Variants in CNNM2 observed in about 807,000 individuals in gnomAD.
CNNM2 encodes the protein cyclin and CBS domain divalent metal cation transport mediator 2, also known as metal transporter CNNM2.
CNNM2 carries 12 observed loss-of-function variants against 66.9 expected under a neutral mutation model. The observed-to-expected ratio is 0.18, with a 90% confidence interval of 0.11 to 0.29. CNNM2 has a LOEUF of 0.29. Among genes scored for constraint, CNNM2 ranks in the 10% least tolerant of loss-of-function variants. The pLI, the probability that CNNM2 is intolerant of heterozygous loss-of-function variation, is 1.00. For missense variants in CNNM2, 705 were observed against 1,167.7 expected (o/e 0.60, Z 5.77); for synonymous variants, 557 against 501.8 (o/e 1.11, Z -1.47).
Position 103,078,773 on chromosome 10 carries a change from A to C in CNNM2, c.*1593A>C, listed in dbSNP as rs1296147407. 3 of 152,260 alleles carry C rather than the reference A, an allele frequency of 2.0e-5. No individual in the cohort carries two copies. Among genetic ancestry groups the C allele is most frequent in the South Asian group, 2.1e-4 (1 of 4,832 alleles). 9.4% of individuals were successfully genotyped at this position (152,260 alleles called of 1,614,324 possible). On this transcript the variant is annotated 3_prime_UTR_variant, in exon 8 of 8. Transcript: ENST00000369878. ...ACTGCGCAAAGGGAGGCCTTGGCTA[A>C]GTGGCAGTTTTCTTCTCCCTACTCC...
In CNNM2 at chr10:103,086,297, A is replaced by G. The variant is rs553737110; in HGVS notation, c.*9117A>G. On this transcript the variant is annotated 3_prime_UTR_variant, in exon 8 of 8. Transcript: ENST00000369878. ...AAAGATCATCATGAGAAACATAAGT[A>G]TTTGAGCCCTAAACTACTAAGCCCA... 2 of 152,318 alleles carry G rather than the reference A, an allele frequency of 1.3e-5. No individual in the cohort carries two copies. Among genetic ancestry groups the G allele is most frequent in the East Asian group, 3.9e-4 (2 of 5,182 alleles). The allele number at this position is 152,318 out of a possible 1,614,324, so 9.4% of individuals were successfully genotyped here.
intron 1 of CNNM2, among the ~76,000 whole-genome samples, chr10:102,942,495 A>AT (rs763618821): frequency 4.6e-5 from 7 of 152,198 alleles, no homozygotes; most frequent in Non-Finnish European, 8.8e-5. Context: ...TGTGTCAGAA[A>AT]TTCCTTCTTT....
At chr10:102,920,159 A>C (rs1427152866) in intron 1 of CNNM2, 58 bp downstream of exon 1, 1 of 1,613,020 alleles carries the variant, frequency 6.2e-7, no homozygotes, top group Non-Finnish European at 8.5e-7. Flanking sequence ...CCTCCTCCCT[A>C]CTTGAGTCCT....
intron 1 of CNNM2, among the ~76,000 whole-genome samples, chr10:103,027,083 T>A (rs1156633825): frequency 6.6e-6 from 1 of 152,224 alleles, no homozygotes; most frequent in Admixed American, 6.5e-5. Context: ...TTGCACATAA[T>A]TTATTATTTC....
chr10:102,961,316 C>T (rs936271882), intron 1 of CNNM2, among the ~76,000 whole-genome samples: 2 of 152,176 alleles, frequency 1.3e-5, no homozygotes, highest in Admixed American at 6.5e-5. Flanking sequence ...TAATTTGATT[C>T]TGCTGTCTTA....
intron 4 of CNNM2, among the ~76,000 whole-genome samples, chr10:103,057,363 G>C (rs2065312170): frequency 6.6e-6 from 1 of 151,978 alleles, no homozygotes; most frequent in African/African-American, 2.4e-5. Flanking sequence ...CAGCTACTTG[G>C]GAGGCTAAGA....
At position 103,052,525 on chromosome 10, in the gene CNNM2, T is replaced by C. The variant is rs2134334893; in HGVS notation, c.1766-1804T>C. Among the ~76,000 whole-genome samples, 2 of 151,646 alleles carry C rather than the reference T, an allele frequency of 1.3e-5. 1 individual carries two copies. Among genetic ancestry groups the C allele is most frequent in the South Asian group, 4.2e-4 (2 of 4,804 alleles). ...GTGGTTTCAGGTTTTTTTCTTTTTT[T>C]TTTTTTTAGACTAAGTCTTGCTCTA... On this transcript the variant is annotated intron_variant, in intron 2 of 7. Coordinates refer to ENST00000369878, the MANE Select transcript of CNNM2 (RefSeq NM_017649.5).
At chr10:103,025,762 C>G (rs2064689577) in intron 1 of CNNM2, among the ~76,000 whole-genome samples, 1 of 152,248 alleles carries the variant, frequency 6.6e-6, no homozygotes, top group Non-Finnish European at 1.5e-5. Flanking sequence ...AGTGCAGAAT[C>G]TTCCTAGATC....
intron 1 of CNNM2, among the ~76,000 whole-genome samples, chr10:103,001,513 A>G (rs1303951819): frequency 6.6e-6 from 1 of 152,200 alleles, no homozygotes; most frequent in Non-Finnish European, 1.5e-5. Flanking sequence ...CAGCCCCACA[A>G]GGATGCCAGA....
At chr10:103,038,732 AG>A (rs2064986404) in intron 1 of CNNM2, among the ~76,000 whole-genome samples, 1 of 152,150 alleles carries the variant, frequency 6.6e-6, no homozygotes, top group Non-Finnish European at 1.5e-5. Context: ...CCTGCTAGGG[AG>A]GTCTGGGCCG....
chr10:103,062,107 A>G (rs955965160), intron 4 of CNNM2, among the ~76,000 whole-genome samples: 1 of 152,246 alleles, frequency 6.6e-6, no homozygotes, highest in Admixed American at 6.5e-5. Flanking sequence ...TAGTAGAAAC[A>G]GTTCACGTCT....
chr10:103,014,994 TCCAG>T (rs1304484801), intron 1 of CNNM2, among the ~76,000 whole-genome samples: 2 of 152,174 alleles, frequency 1.3e-5, no homozygotes, highest in Admixed American at 1.3e-4. Context: ...TCAAACTTCT[TCCAG>T]TAAATCAACT....
At position 103,019,232 on chromosome 10, in the gene CNNM2, G is replaced by A. The variant is rs893026761; in HGVS notation, c.1622-30475G>A. On this transcript the variant is annotated intron_variant, in intron 1 of 7. Coordinates refer to ENST00000369878, the MANE Select transcript of CNNM2 (RefSeq NM_017649.5). ...TGCAGTAAGCCATTATAGCACCACTGCACTCCAGCCTGGGCGACATAGTGA... is the reference window on the plus strand; with the variant it reads ...TGCAGTAAGCCATTATAGCACCACTACACTCCAGCCTGGGCGACATAGTGA... Among the ~76,000 whole-genome samples the A allele has an allele frequency of 4.0e-5, 6 of 149,174 alleles. No homozygotes were observed. The East Asian group carries it at 5.9e-4, about 15-fold the overall frequency.
intron 1 of CNNM2, among the ~76,000 whole-genome samples, chr10:102,947,987 A>G (rs889984028): frequency 7.2e-5 from 11 of 152,114 alleles, no homozygotes; most frequent in Non-Finnish European, 1.6e-4. Flanking sequence ...CGGGAGGTGG[A>G]GCTTGCAGTG....
intron 1 of CNNM2, among the ~76,000 whole-genome samples, chr10:103,012,198 G>T (rs2064356204): frequency 6.6e-6 from 1 of 152,168 alleles, no homozygotes; most frequent in South Asian, 2.1e-4. Context: ...ATTCCTAGAA[G>T]TAGAATTGCT....
intron 1 of CNNM2, among the ~76,000 whole-genome samples, chr10:103,044,444 T>A (rs2065094540): frequency 1.3e-5 from 2 of 152,016 alleles, no homozygotes; most frequent in Non-Finnish European, 2.9e-5. Context: ...TAGTCCTAGC[T>A]GCTCAGGAGG....
intron 1 of CNNM2, among the ~76,000 whole-genome samples, chr10:103,022,470 C>T (rs913862270): frequency 3.9e-5 from 6 of 152,154 alleles, no homozygotes; most frequent in Non-Finnish European, 7.3e-5. Context: ...GGATCCTATA[C>T]CGGCTTAAAA....
At chr10:103,040,927 A>G (rs987260559) in intron 1 of CNNM2, among the ~76,000 whole-genome samples, 2 of 152,174 alleles carry the variant, frequency 1.3e-5, no homozygotes, top group Non-Finnish European at 2.9e-5. Flanking sequence ...ATAGCTAAAT[A>G]CGGGAGGAGA....
intron 2 of CNNM2, among the ~76,000 whole-genome samples, chr10:103,052,292 A>C (rs935216931): frequency 3.8e-5 from 5 of 131,166 alleles, no homozygotes; most frequent in Non-Finnish European, 7.7e-5. Context: ...AAAAAAAAAC[A>C]AAAAAAAAAA....
Sources: allele counts gnomAD v4.1 joint callset (sites outside exome capture counted in the v4.1 genomes callset), GRCh38; gene constraint gnomAD v4.1.1; transcripts MANE v1.5; gene names NCBI Gene and HGNC (gene_info 2026-07-23, HGNC 2026-07-21).